Variants in ATG4B observed in about 807,000 individuals in gnomAD.
ATG4B encodes cysteine protease ATG4B.
Under a neutral mutation model 56.6 loss-of-function variants are expected in ATG4B, and 29 were observed. That is an observed-to-expected ratio of 0.51 (90% CI 0.38 to 0.70). ATG4B has a LOEUF of 0.70. Among genes scored for constraint, ATG4B ranks in the 30% least tolerant of loss-of-function variants. ATG4B has a pLI of 0.00. For synonymous variants in ATG4B, 224 were observed against 206.1 expected (o/e 1.09, Z -0.74); for missense variants, 461 against 515.5 (o/e 0.89, Z 1.02).
rs1351061479 is a variant in ATG4B, at chr2:241,651,682, C to T, written c.184+347C>T. ...CGCAGCATGGCGCTTCAGGGATCTTCGTTTTCGTTTGCATGTTTGAGTGTG... is the reference window on the plus strand; with the variant it reads ...CGCAGCATGGCGCTTCAGGGATCTTTGTTTTCGTTTGCATGTTTGAGTGTG... On this transcript the variant is annotated intron_variant, in intron 3 of 12. Transcript: ENST00000404914. The surrounding 1 kb of genome is among the most constrained non-coding windows in gnomAD (Gnocchi z 4.1). 1.3e-5 allele frequency among the ~76,000 whole-genome samples: 2 copies of T among 152,178 alleles called. No homozygotes were observed. Among genetic ancestry groups the T allele is most frequent in the Non-Finnish European group, 2.9e-5 (2 of 68,042 alleles).
chr2:241,666,119 G>A (rs2068757177), intron 7 of ATG4B, among the ~76,000 whole-genome samples: 1 of 152,238 alleles, frequency 6.6e-6, no homozygotes, highest in African/African-American at 2.4e-5. Flanking sequence ...CTCTGAGTGG[G>A]GAGTGGTGTT....
At chr2:241,667,435 C>T (rs1003468147) in intron 8 of ATG4B, among the ~76,000 whole-genome samples, 1 of 151,814 alleles carries the variant, frequency 6.6e-6, no homozygotes, top group Non-Finnish European at 1.5e-5. Context: ...GAAACCCTGT[C>T]TCTACTAAAA....
At chr2:241,660,344 CTG>C (rs1288392925) in intron 7 of ATG4B, among the ~76,000 whole-genome samples, 1 of 152,234 alleles carries the variant, frequency 6.6e-6, no homozygotes, top group Non-Finnish European at 1.5e-5. Flanking sequence ...CCTCTCCATT[CTG>C]TTTCTTCATC....
chr2:241,644,808 G>A (rs2068012555), intron 1 of ATG4B, among the ~76,000 whole-genome samples: 2 of 152,024 alleles, frequency 1.3e-5, no homozygotes, highest in Admixed American at 1.3e-4. Context: ...AATTAGCCAG[G>A]CGTGGTGGCA....
chr2:241,667,709 T>A (rs1355270848), intron 8 of ATG4B: 1 of 159,904 alleles, frequency 6.3e-6, no homozygotes, highest in Non-Finnish European at 1.4e-5. Flanking sequence ...AAATGTGGCT[T>A]CCTGTTAAAA....
chr2:241,652,199 G>T (rs1233906451), intron 3 of ATG4B, among the ~76,000 whole-genome samples: 1 of 152,256 alleles, frequency 6.6e-6, no homozygotes, highest in East Asian at 1.9e-4. Context: ...GATATGTAAT[G>T]ATATATTTTA....
intron 10 of ATG4B, among the ~76,000 whole-genome samples, chr2:241,670,021 C>T (rs78151009): frequency 0.2 from 29,832 of 152,054 alleles, 3,279 homozygotes; most frequent in East Asian, 0.28. Flanking sequence ...TGTCCTCACC[C>T]GTGAGGAGGA....
intron 1 of ATG4B, among the ~76,000 whole-genome samples, chr2:241,642,123 A>G (rs945562465): frequency 6.6e-6 from 1 of 151,316 alleles, no homozygotes; most frequent in African/African-American, 2.4e-5. Context: ...TAAATCCAGT[A>G]TGTTAGCATA....
rs1183344227 is a variant in ATG4B at position 241,659,098 on chromosome 2, C to T, written c.459-10C>T. 41 of 1,593,292 alleles carry T rather than the reference C, an allele frequency of 2.6e-5. No individual in the cohort carries two copies. The highest frequency in any genetic ancestry group is 3.1e-5 in the Non-Finnish European group (36 of 1,166,966). On this transcript the variant is annotated splice_polypyrimidine_tract_variant and intron_variant, in intron 6 of 12. Transcript: ENST00000404914. The stretch of plus-strand genomic sequence containing the variant: ...ACAAAAGCTTATGGTCATTCTCCTA[C>T]TCTCTGTAGGAAGCTTGCTGTCTTC...
At chr2:241,649,962 T>C (rs184722000) in intron 1 of ATG4B, among the ~76,000 whole-genome samples, 2 of 152,196 alleles carry the variant, frequency 1.3e-5, no homozygotes, top group Admixed American at 1.3e-4. Flanking sequence ...TGTTGTACTT[T>C]TAGTAGAGAC....
At chr2:241,643,139 C>G (rs1230862762) in intron 1 of ATG4B, among the ~76,000 whole-genome samples, 10 of 151,864 alleles carry the variant, frequency 6.6e-5, no homozygotes, top group Admixed American at 5.9e-4. Flanking sequence ...CCCGCCTCGG[C>G]CTCCCAAAGT....
At chr2:241,642,670 G>A in intron 1 of ATG4B, among the ~76,000 whole-genome samples, 1 of 151,334 alleles carries the variant, frequency 6.6e-6, no homozygotes, top group East Asian at 1.9e-4. Context: ...ATTTCTGCCT[G>A]TCAGATTAGT....
rs755654689 is a variant in ATG4B, at chr2:241,668,473, C to T, written c.812-67C>T. On this transcript the variant is annotated intron_variant, in intron 9 of 12. Transcript: ENST00000404914. The surrounding 1 kb of genome is among the most constrained non-coding windows in gnomAD (Gnocchi z 4.2). The stretch of plus-strand genomic sequence containing the variant: ...ATGTGGGTGCAGTGGGTCTGAAATG[C>T]GGCCTCCTCTGTCCCTTTCCTCTGC... 1.0e-5 allele frequency: 16 copies of T among 1,555,620 alleles called. No individual in the cohort carries two copies. The highest frequency in any genetic ancestry group is 1.3e-5 in the Non-Finnish European group (15 of 1,153,746).
At position 241,668,471 on chromosome 2, in the gene ATG4B, T is replaced by A. The variant is rs1409273864; in HGVS notation, c.812-69T>A. The stretch of plus-strand genomic sequence containing the variant: ...TGATGTGGGTGCAGTGGGTCTGAAA[T>A]GCGGCCTCCTCTGTCCCTTTCCTCT... On this transcript the variant is annotated intron_variant, in intron 9 of 12. Coordinates refer to ENST00000404914, the MANE Select transcript of ATG4B (RefSeq NM_013325.5). The surrounding 1 kb of genome is among the most constrained non-coding windows in gnomAD (Gnocchi z 4.2). The A allele has an allele frequency of 6.4e-7, 1 of 1,554,786 alleles. No individual in the cohort carries two copies.
intron 3 of ATG4B, chr2:241,652,035 A>T: frequency 8.2e-7 from 1 of 1,220,158 alleles, no homozygotes; most frequent in Non-Finnish European, 1.1e-6. Context: ...TCCCTCTTCT[A>T]GGGGTGGTTT....
intron 10 of ATG4B, among the ~76,000 whole-genome samples, chr2:241,669,124 G>A (rs558433661): frequency 8.6e-5 from 13 of 151,224 alleles, no homozygotes; most frequent in East Asian, 5.9e-4. Context: ...TTTGTTTTCC[G>A]GAGGCTCTGA....
At chr2:241,655,164 C>T (rs1054335880) in intron 5 of ATG4B, 107 bp from the exon 6 acceptor site, 10 of 1,095,524 alleles carry the variant, frequency 9.1e-6, no homozygotes, top group South Asian at 1.4e-5. Flanking sequence ...GAGGCTGGGT[C>T]GGGTGCTGTC....
chr2:241,647,769 G>C lies in ATG4B; in HGVS notation c.11-3241G>C, dbSNP rs139345751. 7.9e-4 allele frequency among the ~76,000 whole-genome samples: 120 copies of C among 152,296 alleles called. 3 individuals carry two copies. The East Asian group carries it at 0.022, about 28-fold the overall frequency. On this transcript the variant is annotated intron_variant, in intron 1 of 12. Transcript: ENST00000404914. ...AGTAGGGACTTCTGAAGATTCAGGA[G>C]TGGCTTTAGAGAGGTAGCAGGGACA...
intron 1 of ATG4B, among the ~76,000 whole-genome samples, chr2:241,639,665 C>G (rs2067826672): frequency 6.6e-6 from 1 of 152,130 alleles, no homozygotes; most frequent in South Asian, 2.1e-4. Flanking sequence ...GGGTGGTCTT[C>G]CACCCAAAGT....
Sources: allele counts gnomAD v4.1 joint callset (sites outside exome capture counted in the v4.1 genomes callset), GRCh38; gene constraint gnomAD v4.1.1; non-coding constraint Gnocchi (gnomAD v3.1); transcripts MANE v1.5; gene names NCBI Gene and HGNC (gene_info 2026-07-23, HGNC 2026-07-21).